Variants in BAZ1A observed in about 807,000 individuals in gnomAD.
The protein encoded by BAZ1A is bromodomain adjacent to zinc finger domain protein 1A.
A neutral mutation model predicts 185.2 loss-of-function variants in BAZ1A; 50 were observed. The observed-to-expected ratio is 0.27, with a 90% CI of 0.22 to 0.34. BAZ1A has a LOEUF of 0.34. Ranked by LOEUF, BAZ1A falls within the 10% of genes least tolerant of loss-of-function variation. The pLI, the probability that BAZ1A is intolerant of heterozygous loss-of-function variation, is 1.00. For missense variants in BAZ1A, 1,356 were observed against 1,839.9 expected (o/e 0.74, Z 4.81); for synonymous variants, 571 against 615.6 (o/e 0.93, Z 1.07).
At chr14:34,868,976 T>C (rs2042909016) in intron 2 of BAZ1A, among the ~76,000 whole-genome samples, 1 of 150,390 alleles carries the variant, frequency 6.6e-6, no homozygotes, top group South Asian at 2.1e-4. Context: ...ATTATATATG[T>C]ATATATATAC....
At chr14:34,798,627 C>G (rs1026508783) in intron 9 of BAZ1A, among the ~76,000 whole-genome samples, 2 of 152,166 alleles carry the variant, frequency 1.3e-5, no homozygotes, top group African/African-American at 2.4e-5. Flanking sequence ...CCAAAAGACA[C>G]ATGAAAAAAT....
intron 3 of BAZ1A, among the ~76,000 whole-genome samples, chr14:34,841,655 G>C (rs572882311): frequency 3.9e-5 from 6 of 152,114 alleles, no homozygotes; most frequent in African/African-American, 1.2e-4. Context: ...CAAAGTGCTG[G>C]GATTACAGGT....
At chr14:34,852,821 C>T (rs2042618049) in intron 3 of BAZ1A, among the ~76,000 whole-genome samples, 2 of 152,178 alleles carry the variant, frequency 1.3e-5, no homozygotes, top group Admixed American at 1.3e-4. Flanking sequence ...GTTTAAACTA[C>T]TTGTTCAAAG....
chr14:34,830,360 A>T (rs562633893), intron 3 of BAZ1A, among the ~76,000 whole-genome samples: 134 of 152,190 alleles, frequency 8.8e-4, no homozygotes, highest in Non-Finnish European at 1.6e-3. Context: ...TCTTGAAAAT[A>T]TTATGCTAAT....
chr14:34,860,272 C>A (rs1233440586), intron 3 of BAZ1A, among the ~76,000 whole-genome samples: 1 of 151,810 alleles, frequency 6.6e-6, no homozygotes, highest in African/African-American at 2.4e-5. Context: ...CTTTGGGAGG[C>A]CAAGGCAGGT....
At chr14:34,855,303 G>A (rs572840484) in intron 3 of BAZ1A, among the ~76,000 whole-genome samples, 26 of 152,220 alleles carry the variant, frequency 1.7e-4, no homozygotes, top group African/African-American at 2.6e-4. Flanking sequence ...TGTTCAAACC[G>A]TGTTCAAATA....
intron 3 of BAZ1A, among the ~76,000 whole-genome samples, chr14:34,848,474 G>C (rs537208897): frequency 3.0e-4 from 46 of 152,186 alleles, no homozygotes; most frequent in Admixed American, 6.5e-4. Context: ...ATGGTGGCAG[G>C]CACCTGTAAT....
intron 4 of BAZ1A, among the ~76,000 whole-genome samples, chr14:34,811,686 T>C (rs1025987965): frequency 6.6e-6 from 1 of 152,146 alleles, no homozygotes; most frequent in African/African-American, 2.4e-5. Context: ...ACCATTCTAT[T>C]AGCCAAAACA....
intron 3 of BAZ1A, among the ~76,000 whole-genome samples, chr14:34,857,732 G>A (rs11156865): frequency 6.6e-6 from 1 of 151,918 alleles, no homozygotes; most frequent in South Asian, 2.1e-4. Flanking sequence ...GCTTGACCTC[G>A]TTTCAATCAT....
At chr14:34,794,298 C>T (rs1881059352) in intron 11 of BAZ1A, among the ~76,000 whole-genome samples, 1 of 152,152 alleles carries the variant, frequency 6.6e-6, no homozygotes. Context: ...TATATAAGTA[C>T]ACAGGCCAAA....
Position 34,874,657 on chromosome 14 carries a change from G to T in BAZ1A, c.-53C>A, listed in dbSNP as rs1033247251. The stretch of plus-strand genomic sequence containing the variant: ...ACCCTCGGCCGCCCGCGCCGGCCCC[G>T]CTTCCCTATCAAAATTGGAGGGAAA... On this transcript the variant is annotated 5_prime_UTR_variant, in exon 2 of 27. Transcript: ENST00000360310. This position sits in a 1 kb window ranked among gnomAD's most constrained non-coding sequence, Gnocchi z 4.7. 5 of 1,473,188 alleles carry T rather than the reference G, an allele frequency of 3.4e-6. No homozygotes were observed. The highest frequency in any genetic ancestry group is 1.4e-5 in the African/African-American group (1 of 69,312). The allele number at this position is 1,473,188 out of a possible 1,614,324, so 91.3% of individuals were successfully genotyped here. A position where few individuals can be genotyped will look rare whatever the true frequency, so the allele number is the denominator to read the frequency against.
chr14:34,868,061 T>C (rs2042889480), intron 2 of BAZ1A, among the ~76,000 whole-genome samples: 1 of 152,212 alleles, frequency 6.6e-6, no homozygotes, highest in Non-Finnish European at 1.5e-5. Context: ...AATGTCAGAT[T>C]TATGACTGCG....
chr14:34,795,604 C>A (rs1881141709), intron 10 of BAZ1A, 66 bp downstream of exon 10: 2 of 1,099,278 alleles, frequency 1.8e-6, no homozygotes, highest in Admixed American at 2.7e-5. Flanking sequence ...AGAATGATTT[C>A]ATCAGCAAAG....
At chr14:34,763,440 C>T (rs1308024565) in intron 23 of BAZ1A, among the ~76,000 whole-genome samples, 5 of 150,512 alleles carry the variant, frequency 3.3e-5, no homozygotes, top group South Asian at 4.2e-4. Context: ...AAAAAAAAGC[C>T]GGGGGGAGGG....
chr14:34,870,792 C>T (rs574543131), intron 2 of BAZ1A, among the ~76,000 whole-genome samples: 3 of 152,198 alleles, frequency 2.0e-5, no homozygotes, highest in Admixed American at 6.5e-5. Flanking sequence ...TAATTTTGGA[C>T]ACCGTAATCT....
chr14:34,829,902 T>C (rs1213029217), intron 3 of BAZ1A, among the ~76,000 whole-genome samples: 2 of 152,206 alleles, frequency 1.3e-5, no homozygotes, highest in African/African-American at 2.4e-5. Context: ...TTGGTTGATA[T>C]ATACTTTCCC....
intron 3 of BAZ1A, among the ~76,000 whole-genome samples, chr14:34,839,585 T>C (rs2042381089): frequency 6.8e-6 from 1 of 147,886 alleles, no homozygotes; most frequent in Non-Finnish European, 1.5e-5. Context: ...GGCTCACACC[T>C]GTAATCCCAG....
intron 4 of BAZ1A, 21 bp from the exon 5 acceptor site, chr14:34,811,057 A>G (rs1249022353): frequency 1.4e-6 from 2 of 1,448,536 alleles, no homozygotes; most frequent in African/African-American, 2.8e-5. Context: ...GAGGGAAAAG[A>G]CACAAATCAG....
intron 3 of BAZ1A, among the ~76,000 whole-genome samples, chr14:34,834,078 T>C (rs1343581005): frequency 6.6e-6 from 1 of 152,184 alleles, no homozygotes; most frequent in African/African-American, 2.4e-5. Flanking sequence ...TAGGTAATTA[T>C]GTAGCCTATT....
Sources: gnomAD v4.1 joint callset for allele counts (sites outside exome capture counted in the v4.1 genomes callset) on GRCh38, gnomAD v4.1.1 for gene constraint, Gnocchi (gnomAD v3.1) non-coding constraint, MANE v1.5 for transcripts, NCBI Gene and HGNC (gene_info 2026-07-23, HGNC 2026-07-21) for gene names.